PDXDC1: variants seen among roughly 807,000 people sequenced by gnomAD.
PDXDC1 encodes pyridoxal dependent decarboxylase domain containing 1, also known as pyridoxal-dependent decarboxylase domain-containing protein 1.
PDXDC1 carries 42 observed loss-of-function variants against 100.1 expected under a neutral mutation model. That is an observed-to-expected ratio of 0.42 (90% CI 0.33 to 0.54). The LOEUF (loss-of-function observed/expected upper bound fraction) is 0.54. PDXDC1 is among the 20% of genes least tolerant of loss of function. PDXDC1 has a pLI of 0.10. For missense variants in PDXDC1, 636 were observed against 979.2 expected, an observed-to-expected ratio of 0.65 and a Z score of 4.68; for synonymous variants, 260 against 371.7, an observed-to-expected ratio of 0.70 and a Z score of 3.46.
downstream of PDXDC1, among the ~76,000 whole-genome samples, chr16:15,142,341 C>A (rs768353685): frequency 7.8e-4 from 118 of 152,250 alleles, no homozygotes; most frequent in Non-Finnish European, 1.3e-3. Flanking sequence ...TCTGGCCATG[C>A]ACTCCCTGCG....
intron 16 of PDXDC1, among the ~76,000 whole-genome samples, chr16:15,059,848 G>C (rs899166096): frequency 6.6e-6 from 1 of 151,984 alleles, no homozygotes; most frequent in Non-Finnish European, 1.5e-5. Context: ...GGAGAGTCGC[G>C]GATACTTCAT....
At chr16:15,099,561 G>T (rs994770813) in intron 16 of PDXDC1, among the ~76,000 whole-genome samples, 1 of 151,764 alleles carries the variant, frequency 6.6e-6, no homozygotes, top group Non-Finnish European at 1.5e-5. Flanking sequence ...ACTCATCTTG[G>T]CAGGATAAAA....
In PDXDC1 at chr16:15,133,383, T is replaced by C. The variant is rs376990769; in HGVS notation, c.1400-5496T>C. Reference sequence around the variant, plus strand: ...CCGTGCAGCCAGACTGTGAGCCCCATTGCGCTGCCGTTGGGCTCTGGGAGG... The same window carrying C: ...CCGTGCAGCCAGACTGTGAGCCCCACTGCGCTGCCGTTGGGCTCTGGGAGG... On this transcript the variant is annotated intron_variant, in intron 16 of 16. Transcript: ENST00000535621. 1,518 of 1,048,216 alleles carry C rather than the reference T, an allele frequency of 1.4e-3. 28 individuals are homozygous for C. The East Asian group carries it at 0.033, about 23-fold the overall frequency. 64.9% of individuals were successfully genotyped at this position (1,048,216 alleles called of 1,614,324 possible). A position where few individuals can be genotyped will look rare whatever the true frequency, so the allele number is the denominator to read the frequency against.
intron 5 of PDXDC1, among the ~76,000 whole-genome samples, chr16:15,005,433 G>A (rs1974063827): frequency 6.6e-6 from 1 of 152,288 alleles, no homozygotes; most frequent in Admixed American, 6.5e-5. Flanking sequence ...TTCAGTAGGA[G>A]ACATAGGACT....
chr16:15,143,395 T>C (rs2048504770), downstream of PDXDC1, among the ~76,000 whole-genome samples: 2 of 152,198 alleles, frequency 1.3e-5, no homozygotes, highest in Non-Finnish European at 2.9e-5. Flanking sequence ...CCCAGGGCTG[T>C]GGGCAGCAGG....
chr16:15,031,112 AT>A (rs771115923), intron 16 of PDXDC1, among the ~76,000 whole-genome samples: 30,340 of 73,852 alleles, frequency 0.41, 4,606 homozygotes, highest in Middle Eastern at 0.58. Context: ...CACCACATCT[AT>A]TTTTTTTTTT....
At chr16:15,133,440 G>A (rs1469661154) in intron 16 of PDXDC1, 6 of 978,986 alleles carry the variant, frequency 6.1e-6, no homozygotes, top group African/African-American at 1.6e-5. Flanking sequence ...GCAGAGGGGG[G>A]TGGTGAGCAG....
rs1481088864 is a variant in PDXDC1, at chr16:15,031,783, A to G, written c.1448A>G (p.Glu483Gly). 1 of 1,613,884 alleles carries G rather than the reference A, an allele frequency of 6.2e-7. No individual in the cohort carries two copies. Among genetic ancestry groups the G allele is most frequent in the East Asian group, 2.2e-5 (1 of 44,838 alleles). ...EDVDQLVACI[E>G]SKLPVLCCTL... ...GTGGATCAGCTCGTAGCCTGCATAG[A>G]AAGCAAACTGCCAGTGCTGTGCTGT... is the stretch of plus-strand genomic sequence containing the variant. Residue 483 changes from glutamate (E) to glycine (G), a missense_variant, in exon 17 of 23, where the codon GAA (glutamate) becomes GGA (glycine). Around this residue, in one of 4 missense-constraint regions of PDXDC1, gnomAD observed 452 missense variants for 402.9 expected, o/e 1.12. Coordinates refer to ENST00000396410, the MANE Select transcript of PDXDC1 (RefSeq NM_015027.4).
intron 8 of PDXDC1, among the ~76,000 whole-genome samples, chr16:15,014,602 T>G (rs1270040895): frequency 6.6e-6 from 1 of 152,290 alleles, no homozygotes; most frequent in Admixed American, 6.5e-5. Context: ...TGAGGTAGAT[T>G]TAGGTATGAG....
At chr16:14,984,495 A>ATATATATATATATATATTTTT (rs1555542734) in intron 1 of PDXDC1, among the ~76,000 whole-genome samples, 1 of 73,498 alleles carries the variant, frequency 1.4e-5, no homozygotes, top group African/African-American at 5.0e-5. Flanking sequence ...ATATATATAT[A>ATATATATATATATATATTTTT]TTTTTTTTTT....
intron 1 of PDXDC1, among the ~76,000 whole-genome samples, chr16:14,985,552 T>C (rs1212491998): frequency 1.3e-5 from 2 of 152,260 alleles, no homozygotes; most frequent in African/African-American, 2.4e-5. Flanking sequence ...CCCAAAGTGC[T>C]GGGATTACAG....
intron 13 of PDXDC1, among the ~76,000 whole-genome samples, chr16:15,023,313 TG>T (rs1259028330): frequency 6.6e-6 from 1 of 152,296 alleles, no homozygotes; most frequent in African/African-American, 2.4e-5. Flanking sequence ...AGTTCAGGTT[TG>T]AAAGTTTTTG....
intron 16 of PDXDC1, chr16:15,127,122 C>G (rs1320552311): frequency 8.3e-6 from 3 of 362,060 alleles, no homozygotes; most frequent in African/African-American, 6.4e-5. Context: ...ACTAACTCGG[C>G]CTCTTCACTT....
chr16:15,060,393 T>A lies in PDXDC1; in HGVS notation c.1399+30337T>A, dbSNP rs778523635. The A allele has an allele frequency of 3.1e-5, 6 of 193,536 alleles. No individual in the cohort carries two copies. The South Asian group carries it at 4.6e-4, about 15-fold the overall frequency. 12.0% of individuals were successfully genotyped at this position (193,536 alleles called of 1,614,324 possible). ...ATTTTCCAAAAAAGTATTTACAGAC[T>A]GAAATTCAAACTCTACATTGCCATC... On this transcript the variant is annotated intron_variant, in intron 16 of 16. Coordinates refer to the PDXDC1 transcript ENST00000535621.
At chr16:15,001,730 G>T (rs1476517649) in intron 3 of PDXDC1, 46 bp from the exon 4 acceptor site, 1 of 1,472,832 alleles carries the variant, frequency 6.8e-7, no homozygotes, top group East Asian at 2.6e-5. Context: ...AGTGGCGGGG[G>T]ATGTGTGCTG....
chr16:15,140,633 A>C (rs1284892287), downstream of PDXDC1, among the ~76,000 whole-genome samples: 2 of 152,110 alleles, frequency 1.3e-5, no homozygotes, highest in Non-Finnish European at 2.9e-5. Context: ...AAAGGGCGGC[A>C]GCATGTCTCT....
chr16:15,135,148 A>T (rs2048288034), intron 16 of PDXDC1: 2 of 772,632 alleles, frequency 2.6e-6, no homozygotes, highest in Non-Finnish European at 4.4e-6. Flanking sequence ...CTGTCGTGTT[A>T]CGTAGAATTT....
In PDXDC1 at chr16:15,034,551, C is replaced by T. The variant is rs993580045; in HGVS notation, c.2000C>T (p.Ala667Val). The stretch of plus-strand genomic sequence containing the variant: ...AAGGGAAGAACTTTTAACTTGACAG[C>T]AGGTAGGACGGCATAGCCTCTTCCC... ...LQKGRTFNLT[A>V]GSLESTEPIY... is the part of the protein sequence containing the mutation. Residue 667 changes from alanine to valine, a missense_variant and splice_region_variant, in exon 21 of 23, where the codon GCA becomes GTA. Coordinates refer to ENST00000396410, the MANE Select transcript of PDXDC1 (RefSeq NM_015027.4). The T allele has an allele frequency of 5.0e-6, 8 of 1,611,132 alleles. No individual in the cohort carries two copies. The highest frequency in any genetic ancestry group is 6.8e-6 in the Non-Finnish European group (8 of 1,177,514).
At chr16:14,993,208 T>C (rs2151288920) in intron 1 of PDXDC1, among the ~76,000 whole-genome samples, 1 of 152,388 alleles carries the variant, frequency 6.6e-6, no homozygotes, top group East Asian at 1.9e-4. Context: ...TTGTTACATA[T>C]GTATACATGT....
Sources: allele counts gnomAD v4.1 joint callset (sites outside exome capture counted in the v4.1 genomes callset), GRCh38; gene constraint gnomAD v4.1.1; regional missense constraint gnomAD v4.1.1; transcripts MANE v1.5; gene names NCBI Gene and HGNC (gene_info 2026-07-23, HGNC 2026-07-21).